PDE1C: variants seen among roughly 807,000 people sequenced by gnomAD.
PDE1C encodes phosphodiesterase 1C.
A neutral mutation model predicts 93.1 loss-of-function variants in PDE1C; 62 were observed. The ratio of observed to expected loss-of-function variants is 0.67; its 90% confidence interval spans 0.54 to 0.82. The LOEUF is 0.82. Among genes scored for constraint, PDE1C ranks in the 40% least tolerant of loss-of-function variants. The pLI is 0.00. For missense variants in PDE1C, 742 were observed against 884.6 expected, an observed-to-expected ratio of 0.84 and a Z score of 2.04; for synonymous variants, 325 against 310.1, an observed-to-expected ratio of 1.05 and a Z score of -0.50.
the PDE1C span, among the ~76,000 whole-genome samples, chr7:31,736,498 G>T: frequency 6.6e-6 from 1 of 152,282 alleles, no homozygotes; most frequent in Admixed American, 6.5e-5. Flanking sequence ...AACGTACCAA[G>T]CCAGCCTCCA....
At chr7:32,219,416 G>A (rs1004117337) in intron 1 of PDE1C, among the ~76,000 whole-genome samples, 5 of 152,214 alleles carry the variant, frequency 3.3e-5, no homozygotes, top group African/African-American at 1.2e-4. Context: ...TGAAAGGCTA[G>A]CACTCAGATC....
chr7:31,643,405 T>G, the PDE1C span: 4 of 1,613,960 alleles, frequency 2.5e-6, no homozygotes, highest in Non-Finnish European at 3.4e-6. Flanking sequence ...CCAGGTGAAG[T>G]CAAGGTCTGG....
intron 1 of PDE1C, among the ~76,000 whole-genome samples, chr7:32,375,319 G>T (rs913237032): frequency 6.6e-6 from 1 of 152,092 alleles, no homozygotes; most frequent in African/African-American, 2.4e-5. Context: ...AATCCTATAG[G>T]TCAGCCTCCA....
In PDE1C at chr7:31,829,861, G is replaced by C. The variant is rs1046092199; in HGVS notation, c.1204-1488C>G. On this transcript the variant is annotated intron_variant, in intron 11 of 17. Transcript: ENST00000396191. ...AAGTGCATTTATAACATAAATTCTA[G>C]TGGTGTAGATGGTTTGGTGGGATAG... Among the ~76,000 whole-genome samples the C allele has an allele frequency of 3.3e-5, 5 of 152,172 alleles. 1 individual carries two copies. The South Asian group carries it at 8.3e-4, about 25-fold the overall frequency.
chr7:32,102,586 C>A (rs1363641310), intron 3 of PDE1C, among the ~76,000 whole-genome samples: 5 of 152,214 alleles, frequency 3.3e-5, no homozygotes, highest in African/African-American at 1.2e-4. Flanking sequence ...TGCTTTCTTT[C>A]CTATCTAGGA....
At chr7:31,672,931 T>C in the PDE1C span, among the ~76,000 whole-genome samples, 1 of 152,186 alleles carries the variant, frequency 6.6e-6, no homozygotes, top group East Asian at 1.9e-4. Context: ...GTTTTTATGA[T>C]ATCTGGTTGT....
chr7:31,647,928 A>T, the PDE1C span, among the ~76,000 whole-genome samples: 1 of 152,056 alleles, frequency 6.6e-6, no homozygotes, highest in Non-Finnish European at 1.5e-5. Context: ...ATATAATTAA[A>T]TTTTCACATA....
chr7:31,643,570 T>A, the PDE1C span: 17 of 1,613,992 alleles, frequency 1.1e-5, no homozygotes, highest in South Asian at 1.5e-4. Context: ...CAGAGGAACA[T>A]CTTTAGAATG....
At chr7:32,207,704 C>T (rs1285737771) in intron 2 of PDE1C, among the ~76,000 whole-genome samples, 1 of 152,174 alleles carries the variant, frequency 6.6e-6, no homozygotes, top group East Asian at 1.9e-4. Flanking sequence ...ATCATGTCCT[C>T]ACCTGTCTCA....
At chr7:31,810,379 C>G (rs1787400983) in intron 15 of PDE1C, among the ~76,000 whole-genome samples, 1 of 152,072 alleles carries the variant, frequency 6.6e-6, no homozygotes, top group African/African-American at 2.4e-5. Context: ...GTATGAGGGA[C>G]AGGATTTACT....
intron 7 of PDE1C, among the ~76,000 whole-genome samples, chr7:31,857,103 A>G (rs1241574774): frequency 6.6e-6 from 1 of 152,168 alleles, no homozygotes; most frequent in East Asian, 1.9e-4. Context: ...CATCTCTCCA[A>G]ATACAGTCCC....
At chr7:32,134,291 G>A (rs992289444) in intron 3 of PDE1C, among the ~76,000 whole-genome samples, 1 of 152,074 alleles carries the variant, frequency 6.6e-6, no homozygotes, top group African/African-American at 2.4e-5. Flanking sequence ...ACAGATTCAG[G>A]AAGTTTAGAA....
At chr7:31,837,844 A>C in intron 10 of PDE1C, 26 bp downstream of exon 10, 1 of 1,553,222 alleles carries the variant, frequency 6.4e-7, no homozygotes, top group Non-Finnish European at 8.9e-7. Context: ...TATACAAACA[A>C]AAACACAAGC....
intron 5 of PDE1C, among the ~76,000 whole-genome samples, chr7:31,875,835 A>ATATATATATATGT (rs70989618): frequency 1.6e-5 from 2 of 123,598 alleles, no homozygotes; most frequent in African/African-American, 3.0e-5. Context: ...ATATATATAT[A>ATATATATATATGT]ATGGAAAAAG....
the PDE1C span, among the ~76,000 whole-genome samples, chr7:31,729,264 G>A: frequency 1.3e-5 from 2 of 152,306 alleles, no homozygotes; most frequent in Admixed American, 1.3e-4. Flanking sequence ...ACCCTGCTCA[G>A]AGAACCACAG....
intron 17 of PDE1C, among the ~76,000 whole-genome samples, chr7:31,770,899 A>T (rs531909828): frequency 1.3e-5 from 2 of 152,336 alleles, no homozygotes; most frequent in African/African-American, 4.8e-5. Context: ...ATCCTCCAAC[A>T]TTAATTAACT....
chr7:32,303,026 C>A (rs908012100), upstream of PDE1C, among the ~76,000 whole-genome samples: 1 of 152,188 alleles, frequency 6.6e-6, no homozygotes, highest in Admixed American at 6.5e-5. Context: ...TGAACTGCAA[C>A]CTTGCTCCTT....
intron 16 of PDE1C, chr7:31,790,208 G>C: frequency 6.2e-7 from 1 of 1,612,320 alleles, no homozygotes; most frequent in Admixed American, 1.7e-5. Context: ...AATGATGCAA[G>C]ACACTGGCAG....
At chr7:31,622,565 T>C in the PDE1C span, among the ~76,000 whole-genome samples, 84 of 151,578 alleles carry the variant, frequency 5.5e-4, no homozygotes, top group African/African-American at 2.2e-4. Flanking sequence ...CCAACGAGAA[T>C]AAAGACACAA....
Sources: allele counts gnomAD v4.1 joint callset (sites outside exome capture counted in the v4.1 genomes callset), GRCh38; gene constraint gnomAD v4.1.1; transcripts MANE v1.5; gene names NCBI Gene and HGNC (gene_info 2026-07-23, HGNC 2026-07-21).